The following RFWD3 variants were observed in gnomAD, a reference collection of about 807,000 sequenced individuals.
RFWD3 encodes the protein E3 ubiquitin-protein ligase RFWD3.
A neutral mutation model predicts 87.7 loss-of-function variants in RFWD3; 65 were observed. The ratio of observed to expected loss-of-function variants is 0.74; its 90% CI spans 0.61 to 0.91. RFWD3 has a LOEUF of 0.91. Among genes scored for constraint, RFWD3 ranks in the 40% least tolerant of loss-of-function variants. The pLI is 0.00. For missense variants in RFWD3, 1,078 were observed against 938.5 expected, an observed-to-expected ratio of 1.15 and a Z score of -1.94; for synonymous variants, 433 against 352.8, an observed-to-expected ratio of 1.23 and a Z score of -2.55.
At chr16:74,652,755 T>C (rs1960660582) in intron 2 of RFWD3, among the ~76,000 whole-genome samples, 1 of 152,222 alleles carries the variant, frequency 6.6e-6, no homozygotes, top group Admixed American at 6.5e-5. Flanking sequence ...AAATAACCAC[T>C]ACTGTACCTC....
intron 4 of RFWD3, among the ~76,000 whole-genome samples, chr16:74,646,852 C>G (rs1161012991): frequency 6.6e-6 from 1 of 152,216 alleles, no homozygotes; most frequent in Non-Finnish European, 1.5e-5. Context: ...GCGGGCGGAT[C>G]ACCAGGTCAG....
intron 6 of RFWD3, among the ~76,000 whole-genome samples, chr16:74,642,646 T>A (rs542560136): frequency 6.6e-6 from 1 of 152,012 alleles, no homozygotes; most frequent in Non-Finnish European, 1.5e-5. Flanking sequence ...TGTGTACCAC[T>A]ACACACGGAT....
At chr16:74,632,776 A>C in intron 8 of RFWD3, 103 bp from the exon 9 acceptor site, 4 of 1,059,744 alleles carry the variant, frequency 3.8e-6, no homozygotes, top group Non-Finnish European at 5.5e-6. Context: ...CTTGGCGTAT[A>C]AGTCCTTGGG....
chr16:74,652,014 C>G lies in RFWD3; in HGVS notation c.627G>C (p.Gln209His), dbSNP rs756542649. 3.1e-6 allele frequency: 5 copies of G among 1,614,068 alleles called. No homozygotes were observed. In the South Asian group the frequency reaches 5.5e-5, roughly 18 times the overall value. The change falls in exon 3 of 13, where the codon CAG becomes CAC. Residue 209 changes from glutamine (Q) to histidine (H), a missense_variant. Physicochemically the swap from Gln to His is conservative, Grantham distance 24. Transcript: ENST00000361070. ...TGTCAGAATCAGAACTACTAGACACCTGCAACTCTTCAGATACAGGATTCC... is the reference window on the plus strand; with the variant it reads ...TGTCAGAATCAGAACTACTAGACACGTGCAACTCTTCAGATACAGGATTCC... ...ETRNPVSEEL[Q>H]VSSSSDSDSD...
At chr16:74,640,867 A>G (rs752568814) in intron 6 of RFWD3, among the ~76,000 whole-genome samples, 37 of 151,902 alleles carry the variant, frequency 2.4e-4, no homozygotes, top group Non-Finnish European at 5.0e-4. Context: ...TAAACCCGGG[A>G]GGTGGAGGTT....
intron 4 of RFWD3, among the ~76,000 whole-genome samples, chr16:74,645,212 G>A (rs148596004): frequency 6.6e-6 from 1 of 152,212 alleles, no homozygotes; most frequent in African/African-American, 2.4e-5. Flanking sequence ...GGGTAAATGA[G>A]ATATGGACAT....
intron 12 of RFWD3, 31 bp downstream of exon 12, chr16:74,626,305 CTACTTTT>C: frequency 1.3e-6 from 2 of 1,579,914 alleles, no homozygotes; most frequent in Non-Finnish European, 1.7e-6. Context: ...TTAAGCAAAA[CTACTTTT>C]TATATGAAAG....
At chr16:74,652,596 A>G (rs1486391914) in intron 2 of RFWD3, among the ~76,000 whole-genome samples, 3 of 152,192 alleles carry the variant, frequency 2.0e-5, no homozygotes, top group African/African-American at 7.2e-5. Context: ...TCATTTTAGG[A>G]TAGTATTTTT....
At chr16:74,655,248 C>CA (rs1555528433) in intron 2 of RFWD3, among the ~76,000 whole-genome samples, 1 of 151,090 alleles carries the variant, frequency 6.6e-6, no homozygotes, top group African/African-American at 2.4e-5. Context: ...AGCCGATGCT[C>CA]TTTTTTTTTG....
In RFWD3 at chr16:74,655,865, A is replaced by G. The variant is rs541288554; in HGVS notation, c.519-3743T>C. ...CTAAATGGAACTACAAAGCCTGGAT[A>G]ACAGCTTATCTGTTTAGAGTATGTC... On this transcript the variant is annotated intron_variant, in intron 2 of 12. Transcript: ENST00000361070. 3.3e-5 allele frequency among the ~76,000 whole-genome samples: 5 copies of G among 152,312 alleles called. No individual in the cohort carries two copies. In the East Asian group the frequency reaches 9.7e-4, roughly 29 times the overall value.
intron 1 of RFWD3, among the ~76,000 whole-genome samples, chr16:74,666,076 G>T (rs1197998096): frequency 6.6e-6 from 1 of 152,030 alleles, no homozygotes; most frequent in African/African-American, 2.4e-5. Flanking sequence ...GGGAAGAGGA[G>T]GGAGAGGGAG....
intron 4 of RFWD3, among the ~76,000 whole-genome samples, chr16:74,647,662 G>C (rs1019365903): frequency 6.6e-6 from 1 of 152,070 alleles, no homozygotes; most frequent in African/African-American, 2.4e-5. Flanking sequence ...CGCTATTTGG[G>C]CTCACTGCAA....
chr16:74,661,382 G>T lies in RFWD3; in HGVS notation c.68C>A (p.Pro23His). 1 of 1,614,022 alleles carries T rather than the reference G, an allele frequency of 6.2e-7. No individual in the cohort carries two copies. Among genetic ancestry groups the T allele is most frequent in the Non-Finnish European group, 8.5e-7 (1 of 1,179,978 alleles). Reference sequence around the variant, plus strand: ...CCCTTGGCTGCTGGCCATGCCAGCAGGAGCTGGCTGTTGTTCGGCATGATT... The same window carrying T: ...CCCTTGGCTGCTGGCCATGCCAGCATGAGCTGGCTGTTGTTCGGCATGATT... ...QLNHAEQQPA[P>H]AGMASSQGGP... Residue 23 changes from proline (P) to histidine (H), a missense_variant, in exon 2 of 13, where the codon CCT (proline) becomes CAT (histidine). Transcript: ENST00000361070.
intron 2 of RFWD3, among the ~76,000 whole-genome samples, chr16:74,656,976 T>C (rs1437796731): frequency 3.9e-5 from 6 of 152,234 alleles, no homozygotes; most frequent in Admixed American, 3.9e-4. Context: ...TCCTAGATTT[T>C]CCTTTCCTTC....
At chr16:74,660,673 G>C in intron 2 of RFWD3, 2 of 393,452 alleles carry the variant, frequency 5.1e-6, no homozygotes, top group Non-Finnish European at 9.2e-6. Flanking sequence ...TGGTGTACAA[G>C]ACACAATCTG....
At chr16:74,628,375 G>T in intron 11 of RFWD3, 77 bp downstream of exon 11, 1 of 1,391,278 alleles carries the variant, frequency 7.2e-7, no homozygotes, top group South Asian at 1.2e-5. Flanking sequence ...CACCCAAAGG[G>T]TAGGATCAAA....
chr16:74,640,696 C>G (rs1597430395), intron 6 of RFWD3, among the ~76,000 whole-genome samples: 1 of 151,436 alleles, frequency 6.6e-6, no homozygotes, highest in Non-Finnish European at 1.5e-5. Flanking sequence ...TCCCAGCACT[C>G]TGGGAGGCCG....
chr16:74,637,807 C>A, intron 7 of RFWD3, 49 bp downstream of exon 7: 1 of 1,359,138 alleles, frequency 7.4e-7, no homozygotes, highest in South Asian at 1.2e-5. Flanking sequence ...TTAGCTTCCT[C>A]TTCCATTCCT....
chr16:74,665,947 C>T (rs547889906), intron 1 of RFWD3, among the ~76,000 whole-genome samples: 1 of 152,186 alleles, frequency 6.6e-6, no homozygotes, highest in South Asian at 2.1e-4. Flanking sequence ...ATCCGACTGC[C>T]TCGGCCTCCC....
Sources: gnomAD v4.1 joint callset for allele counts (sites outside exome capture counted in the v4.1 genomes callset) on GRCh38, gnomAD v4.1.1 for gene constraint, MANE v1.5 for transcripts, NCBI Gene and HGNC (gene_info 2026-07-23, HGNC 2026-07-21) for gene names.